The following SPTB variants were observed in gnomAD, a reference collection of about 807,000 sequenced individuals.
SPTB encodes spectrin beta chain, erythrocytic.
A neutral mutation model predicts 256.2 loss-of-function variants in SPTB; 45 were observed. The ratio of observed to expected loss-of-function variants is 0.18; its 90% CI spans 0.14 to 0.23. SPTB has a LOEUF of 0.23. SPTB is among the 10% of genes least tolerant of loss of function. The probability of loss-of-function intolerance (pLI) is 1.00; values close to 1 mark genes in which losing one functional copy is unlikely to be tolerated. For missense variants in SPTB, 2,715 were observed against 3,040.4 expected (o/e 0.89, Z 2.52); for synonymous variants, 1,231 against 1,243.1 (o/e 0.99, Z 0.21).
chr14:64,791,927 C>A, intron 14 of SPTB, 71 bp from the exon 15 acceptor site: 1 of 1,595,972 alleles, frequency 6.3e-7, no homozygotes. Context: ...GTGGCACCCC[C>A]AGTCTCCAGA....
Position 64,786,284 on chromosome 14 carries a change from G to A in SPTB, c.3561+120C>T. The A allele has an allele frequency of 1.5e-6, 2 of 1,365,836 alleles. No individual in the cohort carries two copies. The highest frequency in any genetic ancestry group is 2.1e-6 in the Non-Finnish European group (2 of 965,800). The allele number at this position is 1,365,836 out of a possible 1,614,324, so 84.6% of individuals were successfully genotyped here. A position where few individuals can be genotyped will look rare whatever the true frequency, so the allele number is the denominator to read the frequency against. On this transcript the variant is annotated intron_variant, in intron 16 of 35. Transcript: ENST00000644917. The surrounding 1 kb of genome is among the most constrained non-coding windows in gnomAD (Gnocchi z 5.6). The stretch of plus-strand genomic sequence containing the variant: ...AGAAACAAAGATTTCCCCCATGAGT[G>A]AATACAGAGTACAAGACAAGAGTAA...
Position 64,760,301 on chromosome 14 carries a change from G to GTGGGTAAA in SPTB, c.6345+6417_6345+6424dup, listed in dbSNP as rs367967972. Among the ~76,000 whole-genome samples the GTGGGTAAA allele has an allele frequency of 4.0e-4, 61 of 152,268 alleles. 1 individual carries two copies. The South Asian group carries it at 5.0e-3, about 12-fold the overall frequency. On this transcript the variant is annotated intron_variant, in intron 32 of 35. Transcript: ENST00000644917. This position sits in a 1 kb window ranked among gnomAD's most constrained non-coding sequence, Gnocchi z 4.3. ...CACAACAGGCCAGGGACATGGCCAG[G>GTGGGTAAA]TGGGTAAATGTCTTCTCCGGGCCAA...
At chr14:64,797,279 A>G (rs2082788614) in intron 10 of SPTB, among the ~76,000 whole-genome samples, 1 of 151,928 alleles carries the variant, frequency 6.6e-6, no homozygotes, top group Non-Finnish European at 1.5e-5. Context: ...AAACCAGCCT[A>G]GGCAACATTG....
intron 1 of SPTB, among the ~76,000 whole-genome samples, chr14:64,878,056 G>A (rs1223791549): frequency 6.6e-6 from 1 of 152,180 alleles, no homozygotes; most frequent in Non-Finnish European, 1.5e-5. Context: ...TTCCATGAGT[G>A]GACTCTGAGT....
Position 64,791,709 on chromosome 14 carries a change from C to CA in SPTB, c.2804+9dup. ...CAATGCCCCCGCCCCATGCCCTACCCACACCCCACCTGGTGTTCAGATGGT... is the reference window on the plus strand; with the variant it reads ...CAATGCCCCCGCCCCATGCCCTACCCAACACCCCACCTGGTGTTCAGATGGT... On this transcript the variant is annotated intron_variant, in intron 15 of 35. Transcript: ENST00000644917. 6.2e-7 allele frequency: 1 copy of CA among 1,614,120 alleles called. No individual in the cohort carries two copies. The highest frequency in any genetic ancestry group is 8.5e-7 in the Non-Finnish European group (1 of 1,180,012).
rs915189011 is a variant in SPTB at position 64,852,215 on chromosome 14, T to C, written c.-52+27577A>G. Among the ~76,000 whole-genome samples the C allele has an allele frequency of 6.6e-6, 1 of 151,508 alleles. No homozygotes were observed. Among genetic ancestry groups the C allele is most frequent in the African/African-American group, 2.4e-5 (1 of 41,164 alleles). On this transcript the variant is annotated intron_variant, in intron 1 of 35. Coordinates refer to ENST00000644917, the MANE Select transcript of SPTB (RefSeq NM_001355436.2). This position sits in a 1 kb window ranked among gnomAD's most constrained non-coding sequence, Gnocchi z 4.2. ...GCTGAGCCTTTGGGAGGAACAGGAG[T>C]TATCCAGGCACACTTGGGGGTGATG...
intron 31 of SPTB, 36 bp from the exon 32 acceptor site, chr14:64,766,837 C>G (rs1196632291): frequency 6.2e-7 from 1 of 1,605,940 alleles, no homozygotes; most frequent in Admixed American, 1.7e-5. Context: ...GAAACAAGCA[C>G]CCCTCTGAGG....
chr14:64,766,740 C>T lies in SPTB; in HGVS notation c.6331G>A (p.Glu2111Lys), dbSNP rs758734157. Residue 2111 changes from glutamate to lysine, a missense_variant, in exon 32 of 36, where the codon GAG (glutamate) becomes AAG (lysine). By Grantham distance (56) the Glu-to-Lys change is moderately conservative. Transcript: ENST00000644917. ...CAGAGACTGACCGGGGACGTTCTCT[C>T]GGTGGCCGCATGGTGGGAAACTGGA... The part of the protein sequence containing the change: ...EAPVSHHAAT[E>K]RTSPGEEEGT... The T allele has an allele frequency of 2.1e-5, 34 of 1,613,126 alleles. No homozygotes were observed. In the East Asian group the frequency reaches 2.7e-4, roughly 13 times the overall value.
intron 1 of SPTB, among the ~76,000 whole-genome samples, chr14:64,838,266 A>G (rs2083556296): frequency 6.6e-6 from 1 of 152,240 alleles, no homozygotes; most frequent in Non-Finnish European, 1.5e-5. Flanking sequence ...TTAATTCAAA[A>G]TGGATTATTG....
At chr14:64,815,302 C>T (rs114902353) in intron 2 of SPTB, among the ~76,000 whole-genome samples, 2 of 148,698 alleles carry the variant, frequency 1.3e-5, no homozygotes, top group South Asian at 2.1e-4. Context: ...CCATGAAGCG[C>T]GAAGGAGCAT....
intron 1 of SPTB, among the ~76,000 whole-genome samples, chr14:64,856,648 C>G (rs1373588875): frequency 6.6e-6 from 1 of 152,272 alleles, no homozygotes; most frequent in Admixed American, 6.5e-5. Context: ...AAATCAAATG[C>G]CTTTGCATTC....
intron 1 of SPTB, among the ~76,000 whole-genome samples, chr14:64,875,159 G>T (rs1455124322): frequency 6.6e-6 from 1 of 152,190 alleles, no homozygotes; most frequent in Admixed American, 6.5e-5. Flanking sequence ...AGAGGGCTTT[G>T]TAATATTTCC....
chr14:64,754,930 C>T (rs998049439), intron 32 of SPTB: 3 of 152,472 alleles, frequency 2.0e-5, no homozygotes, highest in Non-Finnish European at 4.4e-5. Context: ...CAAGTGAGCA[C>T]CAAGGAAGGC....
At position 64,775,148 on chromosome 14, in the gene SPTB, C is replaced by T. The variant is rs763407007; in HGVS notation, c.4819G>A (p.Val1607Ile). 3.5e-5 allele frequency: 57 copies of T among 1,613,862 alleles called. No individual in the cohort carries two copies. The highest frequency in any genetic ancestry group is 1.3e-4 in the Admixed American group (8 of 60,008). Residue 1607 changes from valine to isoleucine, a missense_variant, in exon 23 of 36, where the codon GTC becomes ATC. By Grantham distance (29) the Val-to-Ile change is conservative. Coordinates refer to ENST00000644917, the MANE Select transcript of SPTB (RefSeq NM_001355436.2). This position sits in a 1 kb window ranked among gnomAD's most constrained non-coding sequence, Gnocchi z 5.0. ...ACCTTGGGGATCTCATCGGAGATGA[C>T]GTAGAGCTCCTGCTCGCCAATCCAG... Reference protein sequence around the residue: ...EAWIGEQELYVISDEIPKDEE... With the variant: ...EAWIGEQELYIISDEIPKDEE...
rs931508539 is a variant in SPTB at position 64,749,105 on chromosome 14, C to T, written c.*201G>A. Reference sequence around the variant, plus strand: ...GCCCCTGTCCCTGGAGCGGAGCCAGCGCGGGCGAGGGCATGGAGGGGGCGT... The same window carrying T: ...GCCCCTGTCCCTGGAGCGGAGCCAGTGCGGGCGAGGGCATGGAGGGGGCGT... On this transcript the variant is annotated 3_prime_UTR_variant, in exon 36 of 36. Coordinates refer to ENST00000644917, the MANE Select transcript of SPTB (RefSeq NM_001355436.2). The surrounding 1 kb of genome is among the most constrained non-coding windows in gnomAD (Gnocchi z 4.7). The T allele has an allele frequency of 3.7e-5, 20 of 542,448 alleles. No homozygotes were observed. Among genetic ancestry groups the T allele is most frequent in the South Asian group, 1.3e-4 (6 of 47,372 alleles). The allele number at this position is 542,448 out of a possible 1,614,324, so 33.6% of individuals were successfully genotyped here. A position where few individuals can be genotyped will look rare whatever the true frequency, so the allele number is the denominator to read the frequency against.
chr14:64,784,035 G>A (rs1014062755), intron 19 of SPTB, among the ~76,000 whole-genome samples: 2 of 152,212 alleles, frequency 1.3e-5, no homozygotes, highest in African/African-American at 2.4e-5. Context: ...CCAGATTCAG[G>A]TGACCCAGAA....
chr14:64,820,990 C>T (rs2083276336), intron 2 of SPTB, among the ~76,000 whole-genome samples: 1 of 152,056 alleles, frequency 6.6e-6, no homozygotes, highest in Admixed American at 6.6e-5. Context: ...GTGCTCGGCT[C>T]ATTAACCTGT....
rs767579760 is a variant in SPTB, at chr14:64,795,323, C to A, written c.1644+14G>T. ...GCACTGCAGGGCATGGCGGGGGCGG[C>A]CCCCAGGGCCCACCTTGATCTCATC... On this transcript the variant is annotated intron_variant, in intron 12 of 35. Coordinates refer to ENST00000644917, the MANE Select transcript of SPTB (RefSeq NM_001355436.2). This position sits in a 1 kb window ranked among gnomAD's most constrained non-coding sequence, Gnocchi z 6.5. The A allele has an allele frequency of 2.5e-6, 4 of 1,598,658 alleles. No individual in the cohort carries two copies. The African/African-American group carries it at 4.0e-5, about 16-fold the overall frequency.
chr14:64,849,218 C>T (rs2083740997), intron 1 of SPTB, among the ~76,000 whole-genome samples: 1 of 152,136 alleles, frequency 6.6e-6, no homozygotes, highest in Non-Finnish European at 1.5e-5. Flanking sequence ...TTAAAACGTT[C>T]TGAATTTGAA....
Sources: gnomAD v4.1 joint callset for allele counts (sites outside exome capture counted in the v4.1 genomes callset) on GRCh38, gnomAD v4.1.1 for gene constraint, Gnocchi (gnomAD v3.1) non-coding constraint, MANE v1.5 for transcripts, NCBI Gene and HGNC (gene_info 2026-07-23, HGNC 2026-07-21) for gene names.